The following HS3ST3B1 variants were observed in gnomAD, a reference collection of about 807,000 sequenced individuals.
The protein encoded by HS3ST3B1 is heparan sulfate-glucosamine 3-sulfotransferase 3B1, also known as heparan sulfate glucosamine 3-O-sulfotransferase 3B1.
Under a neutral mutation model 21.3 loss-of-function variants are expected in HS3ST3B1, and 13 were observed. The observed-to-expected ratio is 0.61, with a 90% CI of 0.40 to 0.97. HS3ST3B1 has a LOEUF of 0.97. HS3ST3B1 is among the 50% of genes least tolerant of loss of function. The pLI, the probability that HS3ST3B1 is intolerant of heterozygous loss-of-function variation, is 0.00. For missense variants in HS3ST3B1, 459 were observed against 554.8 expected (o/e 0.83, Z 1.73); for synonymous variants, 234 against 254.8 (o/e 0.92, Z 0.78).
At chr17:14,326,145 C>A (rs904723964) in intron 1 of HS3ST3B1, among the ~76,000 whole-genome samples, 2 of 152,032 alleles carry the variant, frequency 1.3e-5, no homozygotes, top group African/African-American at 4.8e-5. Context: ...GAAGGAGGTC[C>A]AGAAAGAATA....
chr17:14,324,022 T>C (rs944209347), intron 1 of HS3ST3B1, among the ~76,000 whole-genome samples: 1 of 152,174 alleles, frequency 6.6e-6, no homozygotes, highest in African/African-American at 2.4e-5. Context: ...GTAATTATTC[T>C]TGGTGCACCC....
At chr17:14,337,776 T>C (rs1195931469) in intron 1 of HS3ST3B1, among the ~76,000 whole-genome samples, 3 of 151,606 alleles carry the variant, frequency 2.0e-5, no homozygotes, top group African/African-American at 7.3e-5. Flanking sequence ...AAATAGCTAG[T>C]CTTGGATTAG....
intron 1 of HS3ST3B1, chr17:14,328,481 G>A (rs1909885581): frequency 6.6e-6 from 1 of 152,156 alleles, no homozygotes; most frequent in Non-Finnish European, 1.5e-5. Flanking sequence ...AGGGAAGGGG[G>A]TGTGGACTTT....
chr17:14,332,829 C>CTTTTTTTTTTTTTTT (rs71147859), intron 1 of HS3ST3B1, among the ~76,000 whole-genome samples: 1 of 91,040 alleles, frequency 1.1e-5, no homozygotes, highest in Non-Finnish European at 2.1e-5. Flanking sequence ...GACCTTTTAT[C>CTTTTTTTTTTTTTTT]TTTTTTTTTT....
chr17:14,338,036 G>A (rs1277415619), intron 1 of HS3ST3B1, among the ~76,000 whole-genome samples: 1 of 151,750 alleles, frequency 6.6e-6, no homozygotes, highest in African/African-American at 2.4e-5. Context: ...GATTCAATGG[G>A]TGTGGGGAGG....
In HS3ST3B1 at chr17:14,301,148, A is replaced by T; in HGVS notation, c.-371A>T. The T allele has an allele frequency of 4.2e-6, 1 of 236,276 alleles. No homozygotes were observed. Among genetic ancestry groups the T allele is most frequent in the Non-Finnish European group, 8.1e-6 (1 of 123,638 alleles). The allele number at this position is 236,276 out of a possible 1,614,324, so 14.6% of individuals were successfully genotyped here. ...CTCGAGGCTCAGTTCTTAGGACTGC[A>T]AGGAGGCAGCCCCGGCGTGCGGCGG... On this transcript the variant is annotated 5_prime_UTR_variant, in exon 1 of 2. Transcript: ENST00000360954.
chr17:14,342,301 A>G (rs1163154875), intron 1 of HS3ST3B1, among the ~76,000 whole-genome samples: 2 of 152,054 alleles, frequency 1.3e-5, no homozygotes, highest in African/African-American at 4.8e-5. Context: ...GGAAATCTCT[A>G]TTCCATAGTA....
chr17:14,324,437 A>G (rs541896961), intron 1 of HS3ST3B1, among the ~76,000 whole-genome samples: 4 of 152,086 alleles, frequency 2.6e-5, no homozygotes, highest in East Asian at 3.9e-4. Flanking sequence ...ATTTTTAGAG[A>G]TAAGGGTCTT....
chr17:14,301,529 G>T lies in HS3ST3B1; in HGVS notation c.11G>T (p.Arg4Leu). Residue 4 changes from arginine (R) to leucine (L), a missense_variant, in exon 1 of 2, where the codon CGC becomes CTC. Physicochemically the swap from Arg to Leu is moderately radical, Grantham distance 102. Coordinates refer to ENST00000360954, the MANE Select transcript of HS3ST3B1 (RefSeq NM_006041.3). MGQ[R>L]LSGGRSCLDV... ...GCCCGCGGGCAGCGCATGGGGCAGC[G>T]CCTGAGTGGCGGCAGATCTTGCCTC... 1 of 1,565,966 alleles carries T rather than the reference G, an allele frequency of 6.4e-7. No individual in the cohort carries two copies. The highest frequency in any genetic ancestry group is 8.6e-7 in the Non-Finnish European group (1 of 1,164,636).
At chr17:14,328,560 G>T (rs1909887486) in intron 1 of HS3ST3B1, 1 of 152,132 alleles carries the variant, frequency 6.6e-6, no homozygotes, top group South Asian at 2.1e-4. Context: ...GACATCTCTT[G>T]GTCACCCTCA....
At chr17:14,310,178 G>T (rs2142326541) in intron 1 of HS3ST3B1, among the ~76,000 whole-genome samples, 1 of 152,270 alleles carries the variant, frequency 6.6e-6, no homozygotes, top group South Asian at 2.1e-4. Context: ...AGAGGAAAAG[G>T]CCAGTATCTC....
intron 1 of HS3ST3B1, among the ~76,000 whole-genome samples, chr17:14,313,678 C>T (rs909518148): frequency 6.6e-6 from 1 of 152,014 alleles, no homozygotes; most frequent in African/African-American, 2.4e-5. Context: ...TCAAGTGATT[C>T]TCCTGCCTCA....
chr17:14,302,528 G>A (rs1908970613), intron 1 of HS3ST3B1, among the ~76,000 whole-genome samples: 1 of 152,196 alleles, frequency 6.6e-6, no homozygotes, highest in Non-Finnish European at 1.5e-5. Context: ...TTCCCAGATG[G>A]GGAGAGGGGG....
intron 1 of HS3ST3B1, among the ~76,000 whole-genome samples, chr17:14,322,895 T>C (rs2005768): frequency 0.39 from 55,006 of 141,054 alleles, 11,025 homozygotes; most frequent in African/African-American, 0.49. Context: ...TTTGTGTCTA[T>C]GTCTTTTTTT....
intron 1 of HS3ST3B1, chr17:14,328,180 A>G (rs1909876135): frequency 6.6e-6 from 1 of 152,216 alleles, no homozygotes; most frequent in Non-Finnish European, 1.5e-5. Flanking sequence ...CATAGAATGT[A>G]ACAAATAATC....
chr17:14,301,523 G>T lies in HS3ST3B1; in HGVS notation c.5G>T (p.Gly2Val), dbSNP rs375731568. The change falls in exon 1 of 2, where the codon GGG becomes GTG. Residue 2 changes from glycine to valine, a missense_variant. Physicochemically the swap from Gly to Val is moderately radical, Grantham distance 109 (BLOSUM62 -3). Around this residue, in one of 3 missense-constraint regions of HS3ST3B1, gnomAD observed 317 missense variants for 278.6 expected, o/e 1.14. Coordinates refer to ENST00000360954, the MANE Select transcript of HS3ST3B1 (RefSeq NM_006041.3). ...GGCCGCGCCCGCGGGCAGCGCATGG[G>T]GCAGCGCCTGAGTGGCGGCAGATCT... is the stretch of plus-strand genomic sequence containing the variant. M[G>V]QRLSGGRSCL... The T allele has an allele frequency of 1.2e-5, 18 of 1,556,520 alleles. No individual in the cohort carries two copies. The Admixed American group carries it at 3.0e-4, about 26-fold the overall frequency.
rs781704731 is a variant in HS3ST3B1, at chr17:14,301,596, G to A, written c.78G>A (p.Pro26=). ...TCCTACCGCAGCCGCCGCCGCCCCCGCCGCCGGTGAGGAGGAAGCTCGCGC... is the reference window on the plus strand; with the variant it reads ...TCCTACCGCAGCCGCCGCCGCCCCCACCGCCGGTGAGGAGGAAGCTCGCGC... The part of the protein sequence containing the change: ...GRLLPQPPPP[P]PPVRRKLALL... Residue 26 remains proline (P), a synonymous_variant, in exon 1 of 2, where the codon CCG becomes CCA. Coordinates refer to ENST00000360954, the MANE Select transcript of HS3ST3B1 (RefSeq NM_006041.3). 2 of 1,602,664 alleles carry A rather than the reference G, an allele frequency of 1.2e-6. No individual in the cohort carries two copies. Among genetic ancestry groups the A allele is most frequent in the East Asian group, 2.2e-5 (1 of 44,614 alleles).
chr17:14,323,753 A>T (rs1909725609), intron 1 of HS3ST3B1, among the ~76,000 whole-genome samples: 1 of 152,076 alleles, frequency 6.6e-6, no homozygotes, highest in South Asian at 2.1e-4. Context: ...AAGTGAATCG[A>T]TGTGCATTTA....
At chr17:14,339,544 C>G (rs1910304689) in intron 1 of HS3ST3B1, among the ~76,000 whole-genome samples, 1 of 152,194 alleles carries the variant, frequency 6.6e-6, no homozygotes. Context: ...CTCTGACCTG[C>G]AGCTGGTGAC....
Sources: allele counts gnomAD v4.1 joint callset (sites outside exome capture counted in the v4.1 genomes callset), GRCh38; gene constraint gnomAD v4.1.1; regional missense constraint gnomAD v4.1.1; transcripts MANE v1.5; gene names NCBI Gene and HGNC (gene_info 2026-07-23, HGNC 2026-07-21).